NEK9: variants seen among roughly 807,000 people sequenced by gnomAD.
NEK9 encodes the protein serine/threonine-protein kinase Nek9.
Under a neutral mutation model 123.4 loss-of-function variants are expected in NEK9, and 75 were observed. That is an observed-to-expected ratio of 0.61 (90% CI 0.50 to 0.74). NEK9 has a LOEUF of 0.74. Ranked by LOEUF, NEK9 falls within the 30% of genes least tolerant of loss-of-function variation. NEK9 has a pLI of 0.00. For synonymous variants in NEK9, 438 were observed against 458.7 expected, an observed-to-expected ratio of 0.95 and a Z score of 0.58; for missense variants, 952 against 1,214.4, an observed-to-expected ratio of 0.78 and a Z score of 3.21.
intron 5 of NEK9, among the ~76,000 whole-genome samples, chr14:75,118,079 CAT>C (rs1243171641): frequency 6.6e-6 from 1 of 152,008 alleles, no homozygotes; most frequent in Non-Finnish European, 1.5e-5. Context: ...GAGAAAAATC[CAT>C]ATAAAGATAT....
At chr14:75,092,330 G>A (rs994243588) in intron 18 of NEK9, among the ~76,000 whole-genome samples, 8 of 149,102 alleles carry the variant, frequency 5.4e-5, no homozygotes, top group South Asian at 4.2e-4. Flanking sequence ...GCAGTGGCAC[G>A]ATCTTGGCTC....
chr14:75,087,211 G>A lies in NEK9; in HGVS notation c.2624C>T (p.Ala875Val). 6.2e-7 allele frequency: 1 copy of A among 1,611,748 alleles called. No individual in the cohort carries two copies. The highest frequency in any genetic ancestry group is 1.3e-5 in the African/African-American group (1 of 75,010). ...VEASSPRLNPAVTCAGKGTPL... is the reference protein window; with the variant it reads ...VEASSPRLNPVVTCAGKGTPL... The stretch of plus-strand genomic sequence containing the variant: ...TGTTCCCTTCCCAGCACAGGTTACT[G>A]CAGGATTCAGCCGAGGTGACTAGAG... The change falls in exon 21 of 22, where the codon GCA becomes GTA. Residue 875 changes from alanine (A) to valine (V), a missense_variant. Around this residue, in one of 4 missense-constraint regions of NEK9, gnomAD observed 698 missense variants for 875.6 expected, o/e 0.80. Coordinates refer to ENST00000238616, the MANE Select transcript of NEK9 (RefSeq NM_033116.6).
intron 7 of NEK9, among the ~76,000 whole-genome samples, chr14:75,113,716 G>A (rs751866116): frequency 6.6e-6 from 1 of 152,128 alleles, no homozygotes; most frequent in African/African-American, 2.4e-5. Flanking sequence ...CAGAGATTCT[G>A]ATTGAGTTCG....
Position 75,104,003 on chromosome 14 carries a change from A to T in NEK9, c.1576-6T>A. On this transcript the variant is annotated splice_polypyrimidine_tract_variant and splice_region_variant and intron_variant, in intron 13 of 21. Coordinates refer to ENST00000238616, the MANE Select transcript of NEK9 (RefSeq NM_033116.6). ...AAGGCCTTGGGAACATCCACCTGCA[A>T]GAAAAAAATCAGAAAAAGAAATCCC... 1 of 1,598,578 alleles carries T rather than the reference A, an allele frequency of 6.3e-7. No homozygotes were observed. The highest frequency in any genetic ancestry group is 8.5e-7 in the Non-Finnish European group (1 of 1,175,604).
chr14:75,127,000 T>G lies in NEK9; in HGVS notation c.-79A>C. 8.2e-7 allele frequency: 1 copy of G among 1,226,044 alleles called. No homozygotes were observed. The highest frequency in any genetic ancestry group is 1.1e-6 in the Non-Finnish European group (1 of 921,650). The allele number at this position is 1,226,044 out of a possible 1,614,324, so 75.9% of individuals were successfully genotyped here. A position where few individuals can be genotyped will look rare whatever the true frequency, so the allele number is the denominator to read the frequency against. ...CGCGCTGCGTCCCGCTCGCTTCAGA[T>G]GCCGGCCCGCGGATCCGTCAGCCCA... is the stretch of plus-strand genomic sequence containing the variant. On this transcript the variant is annotated 5_prime_UTR_variant, in exon 1 of 22. Coordinates refer to ENST00000238616, the MANE Select transcript of NEK9 (RefSeq NM_033116.6).
At chr14:75,088,454 G>T in intron 20 of NEK9, 26 bp downstream of exon 20, 1 of 1,609,196 alleles carries the variant, frequency 6.2e-7, no homozygotes, top group South Asian at 1.1e-5. Flanking sequence ...ACCTAGTTGT[G>T]ATTCAAAGGC....
chr14:75,124,392 T>C (rs1483179322), intron 1 of NEK9, among the ~76,000 whole-genome samples, 169 bp from the exon 2 acceptor site: 1 of 152,226 alleles, frequency 6.6e-6, no homozygotes, highest in Admixed American at 6.5e-5. Flanking sequence ...TTTAGCATTA[T>C]AATTTATTGC....
chr14:75,107,363 TC>T lies in NEK9; in HGVS notation c.1306del (p.Asp436IlefsTer6). 6.2e-7 allele frequency: 1 copy of T among 1,613,562 alleles called. No homozygotes were observed. The highest frequency in any genetic ancestry group is 1.1e-5 in the South Asian group (1 of 91,016). Reference protein sequence around the residue: ...KAIRQVSCGDDFTVCVTDEGQ... With the variant: ...KAIRQVSCGDXFTVCVTDEGQ... ...CTTACCAGTCACACAGACAGTGAAATCATCACCACATGACACCTGACGGATA... is the reference window on the plus strand; with the variant it reads ...CTTACCAGTCACACAGACAGTGAAATATCACCACATGACACCTGACGGATA... On this transcript the variant is annotated frameshift_variant, in exon 11 of 22. Coordinates refer to ENST00000238616, the MANE Select transcript of NEK9 (RefSeq NM_033116.6). LOFTEE classifies it high-confidence loss of function.
Position 75,085,724 on chromosome 14 carries a change from G to A in NEK9, c.2818-1038C>T, listed in dbSNP as rs550640375. Among the ~76,000 whole-genome samples the A allele has an allele frequency of 7.2e-5, 11 of 152,232 alleles. No individual in the cohort carries two copies. In the South Asian group the frequency reaches 2.3e-3, roughly 32 times the overall value. ...TCTTCAACAAGTCAATGTCATAAAA[G>A]TATTTTTTTAAAAGGTGAAGCAGAG... On this transcript the variant is annotated intron_variant, in intron 21 of 21. Transcript: ENST00000238616.
chr14:75,088,753 G>T, intron 19 of NEK9, 112 bp from the exon 20 acceptor site: 1 of 906,534 alleles, frequency 1.1e-6, no homozygotes, highest in Non-Finnish European at 1.7e-6. Flanking sequence ...ACCCTCTAGT[G>T]GGCAAGACAG....
chr14:75,119,388 A>G (rs1351036581), intron 4 of NEK9, among the ~76,000 whole-genome samples: 1 of 152,228 alleles, frequency 6.6e-6, no homozygotes, highest in East Asian at 1.9e-4. Context: ...AACATCCCAC[A>G]GTGGTCATCA....
At position 75,101,131 on chromosome 14, in the gene NEK9, A is replaced by G; in HGVS notation, c.1863T>C (p.Phe621=). ...AIDERGRLLT[F]GCNKCGQLGV... ...CCAGCTGCCCACACTTGTTGCAGCC[A>G]AAGGTCAGCAGCCGGCCTCGCTCTG... is the stretch of plus-strand genomic sequence containing the variant. The change falls in exon 16 of 22, where the codon TTT becomes TTC. Residue 621 remains phenylalanine, a synonymous_variant. Coordinates refer to ENST00000238616, the MANE Select transcript of NEK9 (RefSeq NM_033116.6). 1 of 1,614,216 alleles carries G rather than the reference A, an allele frequency of 6.2e-7. No individual in the cohort carries two copies. The highest frequency in any genetic ancestry group is 8.5e-7 in the Non-Finnish European group (1 of 1,180,020).
intron 21 of NEK9, among the ~76,000 whole-genome samples, chr14:75,086,187 AAAAAATAAAAATAAAAAT>A (rs149123282): frequency 2.1e-4 from 30 of 145,432 alleles, no homozygotes; most frequent in Middle Eastern, 3.5e-3. Flanking sequence ...AGACTGTCTC[AAAAAATAAAAATAAAAAT>A]AAAAATAAAA....
intron 10 of NEK9, among the ~76,000 whole-genome samples, chr14:75,108,508 C>CGTATGCGT (rs1202346303): frequency 3.9e-4 from 32 of 82,304 alleles, no homozygotes; most frequent in African/African-American, 1.4e-3. Context: ...TATGTGTGTG[C>CGTATGCGT]GTGTGCGTGT....
chr14:75,116,900 G>A (rs1315667739), intron 6 of NEK9, among the ~76,000 whole-genome samples: 4 of 152,192 alleles, frequency 2.6e-5, no homozygotes, highest in Middle Eastern at 3.4e-3. Context: ...ACAGGTGTGC[G>A]CCACCACACC....
intron 1 of NEK9, among the ~76,000 whole-genome samples, chr14:75,125,964 G>A (rs1895510162): frequency 6.6e-6 from 1 of 152,164 alleles, no homozygotes; most frequent in South Asian, 2.1e-4. Flanking sequence ...TTGGGATTCC[G>A]TGATCCATGG....
chr14:75,106,462 A>G, intron 12 of NEK9, 40 bp downstream of exon 12: 1 of 1,602,602 alleles, frequency 6.2e-7, no homozygotes. Context: ...GTCAGGTTGT[A>G]TACCTGTGAA....
intron 13 of NEK9, among the ~76,000 whole-genome samples, chr14:75,105,742 G>A (rs538180798): frequency 2.0e-5 from 3 of 152,116 alleles, no homozygotes; most frequent in South Asian, 2.1e-4. Context: ...GTCCACAGTC[G>A]CTGTATCCAC....
rs1331564801 is a variant in NEK9, at chr14:75,113,437, A to G, written c.874-34T>C. 2.6e-6 allele frequency: 4 copies of G among 1,521,892 alleles called. No individual in the cohort carries two copies. The Admixed American group carries it at 6.8e-5, about 26-fold the overall frequency. 94.3% of individuals were successfully genotyped at this position (1,521,892 alleles called of 1,614,324 possible). ...TAAAAATAGGGTTAGTTTTCACTTA[A>G]TGGAAATGGGCGACATCGGATCTAA... is the stretch of plus-strand genomic sequence containing the variant. On this transcript the variant is annotated intron_variant, in intron 7 of 21. Coordinates refer to ENST00000238616, the MANE Select transcript of NEK9 (RefSeq NM_033116.6).
Sources: allele counts gnomAD v4.1 joint callset (sites outside exome capture counted in the v4.1 genomes callset), GRCh38; gene constraint gnomAD v4.1.1; regional missense constraint gnomAD v4.1.1; transcripts MANE v1.5; gene names NCBI Gene and HGNC (gene_info 2026-07-23, HGNC 2026-07-21).